Variants in ATP10B observed in about 807,000 individuals in gnomAD.
ATP10B encodes the protein phospholipid-transporting ATPase VB.
In ATP10B, 122 loss-of-function variants were observed where a neutral mutation model predicts 141.2. The ratio of observed to expected loss-of-function variants is 0.86; its 90% CI spans 0.75 to 1.00. The LOEUF (loss-of-function observed/expected upper bound fraction) is 1.00. Among genes scored for constraint, ATP10B ranks in the 50% least tolerant of loss-of-function variants. ATP10B has a pLI of 0.00. For synonymous variants in ATP10B, 685 were observed against 692.0 expected (o/e 0.99, Z 0.16); for missense variants, 1,876 against 1,825.3 (o/e 1.03, Z -0.51).
the ATP10B span, among the ~76,000 whole-genome samples, chr5:160,881,070 T>C: frequency 5.3e-5 from 8 of 152,132 alleles, no homozygotes; most frequent in South Asian, 4.1e-4. Flanking sequence ...AAAATATACA[T>C]AGAATTCTTA....
intron 1 of ATP10B, among the ~76,000 whole-genome samples, chr5:160,811,648 C>T (rs1269323006): frequency 6.6e-6 from 1 of 151,974 alleles, no homozygotes; most frequent in Non-Finnish European, 1.5e-5. Context: ...TACTGTGTCC[C>T]ATGGTTTGAG....
intron 23 of ATP10B, among the ~76,000 whole-genome samples, chr5:160,590,654 A>G (rs1756228462): frequency 6.6e-6 from 1 of 152,210 alleles, no homozygotes; most frequent in Non-Finnish European, 1.5e-5. Context: ...GTATATAAAA[A>G]TCAAGGGTAG....
intron 24 of ATP10B, among the ~76,000 whole-genome samples, chr5:160,579,420 G>C (rs1383159363): frequency 3.3e-5 from 5 of 152,200 alleles, no homozygotes; most frequent in African/African-American, 1.2e-4. Context: ...TTATTAAATA[G>C]GGAATCCTTT....
At chr5:160,768,679 G>T (rs1341279580) in intron 2 of ATP10B, among the ~76,000 whole-genome samples, 1 of 152,200 alleles carries the variant, frequency 6.6e-6, no homozygotes, top group African/African-American at 2.4e-5. Context: ...TAACAGCATC[G>T]TAGTTTTATA....
chr5:160,900,411 G>A, the ATP10B span, among the ~76,000 whole-genome samples: 4 of 152,114 alleles, frequency 2.6e-5, no homozygotes, highest in East Asian at 7.7e-4. Context: ...TGAGCAAAAC[G>A]ATGCAGTGAC....
At chr5:160,645,672 G>A (rs568066076) in intron 8 of ATP10B, among the ~76,000 whole-genome samples, 4 of 152,156 alleles carry the variant, frequency 2.6e-5, no homozygotes, top group African/African-American at 7.2e-5. Flanking sequence ...TCCTGATGCC[G>A]TTCCTTTGAG....
chr5:160,918,245 C>T, the ATP10B span, among the ~76,000 whole-genome samples: 1 of 152,146 alleles, frequency 6.6e-6, no homozygotes, highest in Non-Finnish European at 1.5e-5. Context: ...AAACTTAGAC[C>T]AAATGAGTAT....
chr5:160,787,816 T>G (rs1260326349), intron 1 of ATP10B, among the ~76,000 whole-genome samples: 1 of 152,154 alleles, frequency 6.6e-6, no homozygotes. Flanking sequence ...GGAAGCCGTG[T>G]GTGCTAGATC....
chr5:160,567,873 C>T (rs538255037), intron 25 of ATP10B, among the ~76,000 whole-genome samples: 3 of 152,058 alleles, frequency 2.0e-5, no homozygotes, highest in South Asian at 2.1e-4. Flanking sequence ...AGGAGACTAC[C>T]GAAATAATTT....
At chr5:160,867,212 A>ATG in the ATP10B span, among the ~76,000 whole-genome samples, 1 of 151,524 alleles carries the variant, frequency 6.6e-6, no homozygotes, top group Non-Finnish European at 1.5e-5. Flanking sequence ...ATATATATAT[A>ATG]TATGGATACA....
chr5:160,893,487 T>C, the ATP10B span, among the ~76,000 whole-genome samples: 27 of 152,278 alleles, frequency 1.8e-4, no homozygotes, highest in Admixed American at 1.6e-3. Flanking sequence ...TAGCCAGACT[T>C]TCTCTCTAGA....
chr5:160,742,626 C>T (rs1389264164), intron 2 of ATP10B, among the ~76,000 whole-genome samples: 1 of 152,184 alleles, frequency 6.6e-6, no homozygotes, highest in Non-Finnish European at 1.5e-5. Flanking sequence ...TCATTCTGAA[C>T]TCAAGTGCAG....
At chr5:160,815,673 A>C (rs139868354) in intron 1 of ATP10B, among the ~76,000 whole-genome samples, 5,649 of 152,326 alleles carry the variant, frequency 0.037, 115 homozygotes, top group South Asian at 0.065. Flanking sequence ...CCTAATAGAC[A>C]TCTACAGAAC....
At chr5:160,705,888 T>G (rs1331038759) in intron 3 of ATP10B, among the ~76,000 whole-genome samples, 1 of 152,238 alleles carries the variant, frequency 6.6e-6, no homozygotes, top group African/African-American at 2.4e-5. Flanking sequence ...AATCATTTTC[T>G]AGCTTTTGAT....
intron 1 of ATP10B, among the ~76,000 whole-genome samples, chr5:160,804,941 G>T (rs1772672582): frequency 6.6e-6 from 1 of 152,154 alleles, no homozygotes; most frequent in African/African-American, 2.4e-5. Context: ...CAGTATTGCA[G>T]AATTATGTGT....
intron 1 of ATP10B, among the ~76,000 whole-genome samples, chr5:160,820,419 A>C (rs941327214): frequency 3.3e-5 from 5 of 152,102 alleles, no homozygotes; most frequent in Admixed American, 6.6e-5. Context: ...AACAAAAAAA[A>C]GCCTGGGACC....
chr5:160,652,957 A>ATATACATGTATATATAATATATTATG, intron 7 of ATP10B, among the ~76,000 whole-genome samples: 1 of 84,344 alleles, frequency 1.2e-5, no homozygotes, highest in South Asian at 3.4e-4. Flanking sequence ...AATATATTAT[A>ATATACATGTATATATAATATATTATG]TATACATGTA....
intron 21 of ATP10B, 158 bp downstream of exon 21, chr5:160,602,419 G>C: frequency 2.2e-6 from 2 of 897,104 alleles, no homozygotes; most frequent in Non-Finnish European, 3.3e-6. Flanking sequence ...TCTAGCTCAA[G>C]GTCACAGAGC....
chr5:160,871,947 T>A, the ATP10B span, among the ~76,000 whole-genome samples: 4 of 152,190 alleles, frequency 2.6e-5, no homozygotes, highest in African/African-American at 9.6e-5. Flanking sequence ...TAGTTCTACT[T>A]TTAGTTATTT....
Sources: allele counts gnomAD v4.1 joint callset (sites outside exome capture counted in the v4.1 genomes callset), GRCh38; gene constraint gnomAD v4.1.1; transcripts MANE v1.5; gene names NCBI Gene and HGNC (gene_info 2026-07-23, HGNC 2026-07-21).